Variants in RHPN1 observed in about 807,000 individuals in gnomAD.
RHPN1 encodes the protein rhophilin-1.
RHPN1 carries 77 observed loss-of-function variants against 74.7 expected under a neutral mutation model. That is an observed-to-expected ratio of 1.03 (90% CI 0.86 to 1.25). RHPN1 has a LOEUF of 1.25. Among genes scored for constraint, RHPN1 ranks in the 50% most tolerant of loss-of-function variants. The probability of loss-of-function intolerance (pLI) is 0.00; values close to 1 mark genes in which losing one functional copy is unlikely to be tolerated. For missense variants in RHPN1, 987 were observed against 932.2 expected, an observed-to-expected ratio of 1.06 and a Z score of -0.77; for synonymous variants, 444 against 414.5, an observed-to-expected ratio of 1.07 and a Z score of -0.87.
rs926812546 is a variant in RHPN1, at chr8:143,379,455, A to G, written c.892A>G (p.Met298Val). The G allele has an allele frequency of 1.2e-5, 19 of 1,572,008 alleles. No homozygotes were observed. Among genetic ancestry groups the G allele is most frequent in the African/African-American group, 1.4e-5 (1 of 73,778 alleles). ...VFEGLSPPASMAPQDCLAQLR... is the reference protein window; with the variant it reads ...VFEGLSPPASVAPQDCLAQLR... ...TGAGGGCCTCTCACCACCTGCCTCC[A>G]TGGCCCCCCAAGACTGCCTGGCCCA... Residue 298 changes from methionine to valine, a missense_variant, in exon 8 of 15, where the codon ATG (methionine) becomes GTG (valine). Coordinates refer to ENST00000289013, the MANE Select transcript of RHPN1 (RefSeq NM_052924.3).
At chr8:143,380,304 C>T in intron 10 of RHPN1, 129 bp downstream of exon 10, 1 of 731,822 alleles carries the variant, frequency 1.4e-6, no homozygotes, top group South Asian at 1.9e-5. Context: ...ACCTACCTAT[C>T]CCTGGATGGC....
Position 143,380,695 on chromosome 8 carries a change from C to G in RHPN1, c.1323C>G (p.Ser441=). Residue 441 remains serine (S), a synonymous_variant, in exon 11 of 15, where the codon TCC becomes TCG. Coordinates refer to ENST00000289013, the MANE Select transcript of RHPN1 (RefSeq NM_052924.3). The stretch of plus-strand genomic sequence containing the variant: ...TGGACCTGCTTCGGGCTGTGATCTC[C>G]CAGACGCTGCAGCGCTCACTGGCCA... The part of the protein sequence containing the change: ...REVDLLRAVI[S]QTLQRSLAKY... 6.3e-7 allele frequency: 1 copy of G among 1,587,270 alleles called. No homozygotes were observed.
chr8:143,380,794 A>G lies in RHPN1; in HGVS notation c.1411+11A>G, dbSNP rs1453973246. Reference sequence around the variant, plus strand: ...CCCCGGACATCCAGCGTGAGCAGCCAGGGCCTGTCTGGGTGGCTGCATCCC... The same window carrying G: ...CCCCGGACATCCAGCGTGAGCAGCCGGGGCCTGTCTGGGTGGCTGCATCCC... On this transcript the variant is annotated intron_variant, in intron 11 of 14. Transcript: ENST00000289013. The G allele has an allele frequency of 1.3e-6, 2 of 1,538,984 alleles. No individual in the cohort carries two copies. Among genetic ancestry groups the G allele is most frequent in the Non-Finnish European group, 1.8e-6 (2 of 1,136,980 alleles).
upstream of RHPN1, among the ~76,000 whole-genome samples, chr8:143,365,674 C>T (rs1817546668): frequency 6.6e-6 from 1 of 152,218 alleles, no homozygotes; most frequent in South Asian, 2.1e-4. Context: ...GTCTGCCAGG[C>T]TCACACTTGC....
In RHPN1 at chr8:143,376,551, A is replaced by G; in HGVS notation, c.203A>G (p.Glu68Gly). The change falls in exon 3 of 15, where the codon GAG becomes GGG. Residue 68 changes from glutamate to glycine, a missense_variant. Transcript: ENST00000289013. ...GCCACCAGCAACAACCGGGTGAGAG[A>G]GACGGTCGCCCTGGAGCTGAGCTAC... ...YRATSNNRVR[E>G]TVALELSYVN... is the part of the protein sequence containing the mutation. 1 of 1,612,332 alleles carries G rather than the reference A, an allele frequency of 6.2e-7. No individual in the cohort carries two copies. The highest frequency in any genetic ancestry group is 8.5e-7 in the Non-Finnish European group (1 of 1,179,572).
Position 143,382,939 on chromosome 8 carries a change from C to G in RHPN1, c.*288C>G. 3 of 477,662 alleles carry G rather than the reference C, an allele frequency of 6.3e-6. No individual in the cohort carries two copies. In the South Asian group the frequency reaches 7.6e-5, roughly 12 times the overall value. 29.6% of individuals were successfully genotyped at this position (477,662 alleles called of 1,614,324 possible). On this transcript the variant is annotated 3_prime_UTR_variant, in exon 15 of 15. Coordinates refer to ENST00000289013, the MANE Select transcript of RHPN1 (RefSeq NM_052924.3). Reference sequence around the variant, plus strand: ...GCTCCTTACAGGGTGCTCCTCACAGCCATCCCATCTGTACCCCCGGGCTCT... The same window carrying G: ...GCTCCTTACAGGGTGCTCCTCACAGGCATCCCATCTGTACCCCCGGGCTCT...
intron 3 of RHPN1, among the ~76,000 whole-genome samples, chr8:143,376,992 G>A (rs115806451): frequency 0.039 from 5,941 of 151,498 alleles, 331 homozygotes; most frequent in African/African-American, 0.14. Context: ...GCATGTCTGC[G>A]TGTATGTGGG....
intron 1 of RHPN1, among the ~76,000 whole-genome samples, chr8:143,370,255 G>T (rs1344348929): frequency 6.6e-6 from 1 of 152,250 alleles, no homozygotes; most frequent in African/African-American, 2.4e-5. Context: ...GAAAGTTGGG[G>T]AGAAGCTGTT....
At chr8:143,368,067 C>T (rs1238207807), upstream of RHPN1, 1 of 153,464 alleles carries the variant, frequency 6.5e-6, no homozygotes, top group Non-Finnish European at 1.5e-5. Flanking sequence ...GTCCAGGAAA[C>T]AAGCTCTGGA....
Position 143,382,442 on chromosome 8 carries a change from C to A in RHPN1, c.1804C>A (p.Arg602Ser). ...PSSRLPSLGD[R>S]RPVLLGPRGL... ...GTCTCTGTCCCTGCTGCAGGGGGAC[C>A]GCCGGCCCGTCCTGCTGGGCCCCAG... The change falls in exon 15 of 15, where the codon CGC becomes AGC. Residue 602 changes from arginine (R) to serine (S), a missense_variant. Coordinates refer to ENST00000289013, the MANE Select transcript of RHPN1 (RefSeq NM_052924.3). 1 of 1,562,238 alleles carries A rather than the reference C, an allele frequency of 6.4e-7. No individual in the cohort carries two copies. Among genetic ancestry groups the A allele is most frequent in the African/African-American group, 1.4e-5 (1 of 73,730 alleles).
rs769243492 is a variant in RHPN1 at position 143,381,980 on chromosome 8, G to A, written c.1797+12G>A. The stretch of plus-strand genomic sequence containing the variant: ...GACTGCCCAGCTTGGTGAGCCCCTG[G>A]GGCCCCAGAGGGGCGGTCCCCAGCT... On this transcript the variant is annotated intron_variant, in intron 14 of 14. Coordinates refer to ENST00000289013, the MANE Select transcript of RHPN1 (RefSeq NM_052924.3). 6.4e-6 allele frequency: 10 copies of A among 1,564,124 alleles called. No individual in the cohort carries two copies. Among genetic ancestry groups the A allele is most frequent in the Non-Finnish European group, 7.8e-6 (9 of 1,155,002 alleles).
Position 143,375,884 on chromosome 8 carries a change from A to G in RHPN1, c.176+216A>G, listed in dbSNP as rs569305646. Among the ~76,000 whole-genome samples, 5 of 152,352 alleles carry G rather than the reference A, an allele frequency of 3.3e-5. No homozygotes were observed. The South Asian group carries it at 1.0e-3, about 32-fold the overall frequency. On this transcript the variant is annotated intron_variant, in intron 2 of 14. Coordinates refer to ENST00000289013, the MANE Select transcript of RHPN1 (RefSeq NM_052924.3). ...CTGTGCTGGGCTGGAGGTGCCAGGA[A>G]ACCAGTGTCCCTGCCGGGTGTGCAG...
intron 3 of RHPN1, 89 bp downstream of exon 3, chr8:143,376,742 T>A: frequency 7.2e-7 from 1 of 1,392,524 alleles, no homozygotes. Flanking sequence ...TGTGTGTCTC[T>A]GTGTGTATAT....
intron 10 of RHPN1, 196 bp from the exon 11 acceptor site, chr8:143,380,393 G>A: frequency 1.5e-6 from 1 of 654,522 alleles, no homozygotes; most frequent in South Asian, 2.0e-5. Context: ...AGACCACTGG[G>A]AGCAGCTCAT....
intron 5 of RHPN1, 143 bp from the exon 6 acceptor site, chr8:143,378,553 C>T (rs1164152743): frequency 2.5e-6 from 3 of 1,222,392 alleles, no homozygotes; most frequent in Admixed American, 2.4e-5. Context: ...ATGCTGCTGG[C>T]CTTCGGGAGT....
At chr8:143,375,161 A>C (rs1479647796) in intron 1 of RHPN1, among the ~76,000 whole-genome samples, 1 of 152,174 alleles carries the variant, frequency 6.6e-6, no homozygotes, top group Non-Finnish European at 1.5e-5. Flanking sequence ...ATCCAGAATG[A>C]AATCCAGAAG....
At chr8:143,378,861 C>G (rs1283025812) in intron 6 of RHPN1, 41 bp downstream of exon 6, 1 of 1,570,296 alleles carries the variant, frequency 6.4e-7, no homozygotes, top group Admixed American at 1.9e-5. Context: ...GGAGGGGAGG[C>G]CCAGCTGCGG....
chr8:143,374,977 C>T (rs761356810), intron 1 of RHPN1, among the ~76,000 whole-genome samples: 1 of 152,170 alleles, frequency 6.6e-6, no homozygotes, highest in East Asian at 1.9e-4. Context: ...GCGTTCGCTT[C>T]GAGAACCATT....
rs367677129 is a variant in RHPN1 at position 143,379,939 on chromosome 8, C to A, written c.1056C>A (p.Arg352=). The change falls in exon 9 of 15, where the codon CGC becomes CGA. Residue 352 remains arginine, a synonymous_variant. Coordinates refer to ENST00000289013, the MANE Select transcript of RHPN1 (RefSeq NM_052924.3). Reference sequence around the variant, plus strand: ...TGCATGTCAAGGCCGAGTACTTCCGCTCCCTGGCCCACTACCACGTAGCCA... The same window carrying A: ...TGCATGTCAAGGCCGAGTACTTCCGATCCCTGGCCCACTACCACGTAGCCA... ...ALVHVKAEYF[R]SLAHYHVAMA... 6.3e-7 allele frequency: 1 copy of A among 1,585,344 alleles called. No homozygotes were observed. Among genetic ancestry groups the A allele is most frequent in the Non-Finnish European group, 8.6e-7 (1 of 1,166,838 alleles).
Sources: gnomAD v4.1 joint callset for allele counts (sites outside exome capture counted in the v4.1 genomes callset) on GRCh38, gnomAD v4.1.1 for gene constraint, MANE v1.5 for transcripts, NCBI Gene and HGNC (gene_info 2026-07-23, HGNC 2026-07-21) for gene names.